The following BCL7C variants were observed in gnomAD, a reference collection of about 807,000 sequenced individuals.
BCL7C encodes the protein B-cell CLL/lymphoma 7 protein family member C.
In BCL7C, 8 loss-of-function variants were observed where a neutral mutation model predicts 26.2. That is an observed-to-expected ratio of 0.30 (90% confidence interval 0.18 to 0.55). The LOEUF (loss-of-function observed/expected upper bound fraction) is 0.55. Ranked by LOEUF, BCL7C falls within the 20% of genes least tolerant of loss-of-function variation. BCL7C has a pLI of 0.93. For missense variants in BCL7C, 262 were observed against 298.5 expected (o/e 0.88, Z 0.90); for synonymous variants, 90 against 116.5 (o/e 0.77, Z 1.47).
chr16:30,855,119 T>A (rs1381069756), intron 5 of BCL7C, among the ~76,000 whole-genome samples: 1 of 152,230 alleles, frequency 6.6e-6, no homozygotes, highest in Non-Finnish European at 1.5e-5. Context: ...GCACACAGAC[T>A]TTTTGTTTTG....
intron 5 of BCL7C, among the ~76,000 whole-genome samples, chr16:30,882,699 C>T (rs1002933081): frequency 2.6e-5 from 4 of 152,182 alleles, no homozygotes; most frequent in East Asian, 3.8e-4. Context: ...AAGGTTCTAA[C>T]TGGGGGCAGT....
At chr16:30,866,216 T>C (rs2054826437) in intron 5 of BCL7C, among the ~76,000 whole-genome samples, 1 of 152,072 alleles carries the variant, frequency 6.6e-6, no homozygotes, top group Non-Finnish European at 1.5e-5. Flanking sequence ...AGGAGGATTA[T>C]TTACCATGTA....
intron 5 of BCL7C, among the ~76,000 whole-genome samples, chr16:30,865,188 A>T (rs2054814782): frequency 6.6e-6 from 1 of 151,670 alleles, no homozygotes; most frequent in South Asian, 2.1e-4. Context: ...AAAAAAAAAA[A>T]AAAAAGTACT....
chr16:30,868,573 G>T (rs932526282), intron 5 of BCL7C, among the ~76,000 whole-genome samples: 2 of 151,742 alleles, frequency 1.3e-5, no homozygotes, highest in Non-Finnish European at 2.9e-5. Context: ...ATCACCTGAG[G>T]TCGGGAGTTC....
chr16:30,848,010 A>G (rs1232890509), intron 5 of BCL7C, among the ~76,000 whole-genome samples: 1 of 151,852 alleles, frequency 6.6e-6, no homozygotes, highest in Non-Finnish European at 1.5e-5. Flanking sequence ...GGCCAAATTC[A>G]TTGATGTGGG....
chr16:30,887,152 T>C (rs879773489), downstream of BCL7C, among the ~76,000 whole-genome samples: 1 of 151,882 alleles, frequency 6.6e-6, no homozygotes, highest in Non-Finnish European at 1.5e-5. Context: ...CTACTAAAAA[T>C]ACAAAAATTA....
chr16:30,881,061 C>CG (rs1405153567), intron 5 of BCL7C, among the ~76,000 whole-genome samples: 1 of 151,934 alleles, frequency 6.6e-6, no homozygotes, highest in East Asian at 1.9e-4. Context: ...ACATCAAAGA[C>CG]GGGGGAAAAA....
intron 5 of BCL7C, among the ~76,000 whole-genome samples, chr16:30,867,959 T>A (rs2054843601): frequency 6.6e-6 from 1 of 151,962 alleles, no homozygotes; most frequent in Admixed American, 6.6e-5. Context: ...CCCTAGAGCC[T>A]CCAGGAGGGA....
chr16:30,850,750 C>A (rs1365259816), intron 5 of BCL7C, among the ~76,000 whole-genome samples: 1 of 152,074 alleles, frequency 6.6e-6, no homozygotes, highest in African/African-American at 2.4e-5. Context: ...CAGAATGGAG[C>A]CTACAGGACT....
At position 30,834,856 on chromosome 16, in the gene BCL7C, A is replaced by G; in HGVS notation, c.*92T>C. 7.9e-7 allele frequency: 1 copy of G among 1,271,432 alleles called. No homozygotes were observed. Among genetic ancestry groups the G allele is most frequent in the Non-Finnish European group, 1.1e-6 (1 of 943,592 alleles). 78.8% of individuals were successfully genotyped at this position (1,271,432 alleles called of 1,614,324 possible). ...ATGTTACCGCGGTGGGTGAGCTGGG[A>G]AGCTCTTTCCGCCCTCGGGGCACAG... On this transcript the variant is annotated 3_prime_UTR_variant, in exon 6 of 6. Coordinates refer to the BCL7C transcript ENST00000380317. The surrounding 1 kb of genome is among the most constrained non-coding windows in gnomAD (Gnocchi z 4.3).
chr16:30,864,822 C>T (rs577332860), intron 5 of BCL7C, among the ~76,000 whole-genome samples: 79 of 151,044 alleles, frequency 5.2e-4, no homozygotes, highest in African/African-American at 1.8e-3. Context: ...CTAACTGATG[C>T]GATATATTCT....
intron 4 of BCL7C, among the ~76,000 whole-genome samples, chr16:30,889,338 C>A (rs1365179385): frequency 6.6e-6 from 1 of 152,154 alleles, no homozygotes; most frequent in Admixed American, 6.5e-5. Flanking sequence ...GTCAGATGAG[C>A]GGATGCAGGT....
intron 4 of BCL7C, among the ~76,000 whole-genome samples, chr16:30,889,650 C>T (rs991180109): frequency 2.0e-5 from 3 of 152,062 alleles, no homozygotes; most frequent in African/African-American, 7.2e-5. Context: ...CACCACGTCC[C>T]GCTGATTTTT....
At position 30,834,167 on chromosome 16, in the gene BCL7C, C is replaced by G. The variant is rs2054556048; in HGVS notation, c.*781G>C. Reference sequence around the variant, plus strand: ...CCACCCAAAAGGCTCACTCGCGCTGCTTCTCGGGCTAGGATTTTCCAGGTA... The same window carrying G: ...CCACCCAAAAGGCTCACTCGCGCTGGTTCTCGGGCTAGGATTTTCCAGGTA... On this transcript the variant is annotated 3_prime_UTR_variant, in exon 6 of 6. Coordinates refer to the BCL7C transcript ENST00000380317. This position sits in a 1 kb window ranked among gnomAD's most constrained non-coding sequence, Gnocchi z 4.3. The G allele has an allele frequency of 6.6e-6, 1 of 152,276 alleles. No individual in the cohort carries two copies. The highest frequency in any genetic ancestry group is 2.4e-5 in the African/African-American group (1 of 41,462). 9.4% of individuals were successfully genotyped at this position (152,276 alleles called of 1,614,324 possible). A position where few individuals can be genotyped will look rare whatever the true frequency, so the allele number is the denominator to read the frequency against.
intron 5 of BCL7C, among the ~76,000 whole-genome samples, chr16:30,881,426 A>ACACACACAC (rs1567320786): frequency 1.1e-4 from 16 of 144,884 alleles, no homozygotes; most frequent in South Asian, 2.3e-4. Context: ...ACACACACAC[A>ACACACACAC]ACAAAAAATT....
At chr16:30,866,549 C>G (rs1596598638) in intron 5 of BCL7C, among the ~76,000 whole-genome samples, 1 of 145,948 alleles carries the variant, frequency 6.9e-6, no homozygotes, top group Admixed American at 6.9e-5. Context: ...TGCACTCCAG[C>G]CTGGCCAAAA....
intron 5 of BCL7C, among the ~76,000 whole-genome samples, chr16:30,854,511 C>T (rs1264266838): frequency 2.6e-5 from 4 of 152,078 alleles, no homozygotes; most frequent in Admixed American, 6.6e-5. Flanking sequence ...TTCTTCAAAG[C>T]GTTGAAACCT....
Position 30,893,099 on chromosome 16 carries a change from G to A in BCL7C, c.171+113C>T, listed in dbSNP as rs1006916595. On this transcript the variant is annotated intron_variant, in intron 2 of 5. Transcript: ENST00000215115. This position sits in a 1 kb window ranked among gnomAD's most constrained non-coding sequence, Gnocchi z 5.2. The stretch of plus-strand genomic sequence containing the variant: ...GGAGGAGCTGCTAATGATGGTTCCC[G>A]TCTGTCCTGCTGCATCTGAGGTCTC... 15 of 1,272,746 alleles carry A rather than the reference G, an allele frequency of 1.2e-5. No individual in the cohort carries two copies. In the African/African-American group the frequency reaches 2.1e-4, roughly 18 times the overall value. The allele number at this position is 1,272,746 out of a possible 1,614,324, so 78.8% of individuals were successfully genotyped here.
intron 5 of BCL7C, chr16:30,851,928 G>T (rs2054678263): frequency 1.1e-5 from 2 of 185,040 alleles, no homozygotes; most frequent in South Asian, 1.4e-4. Context: ...ACTTCAAAAT[G>T]ACGATTTTTT....
Sources: allele counts gnomAD v4.1 joint callset (sites outside exome capture counted in the v4.1 genomes callset), GRCh38; gene constraint gnomAD v4.1.1; non-coding constraint Gnocchi (gnomAD v3.1); transcripts MANE v1.5; gene names NCBI Gene and HGNC (gene_info 2026-07-23, HGNC 2026-07-21).